The following GALNTL6 variants were observed in gnomAD, a reference collection of about 807,000 sequenced individuals.
GALNTL6 encodes polypeptide N-acetylgalactosaminyltransferase-like 6.
Under a neutral mutation model 73.7 loss-of-function variants are expected in GALNTL6, and 46 were observed. The observed-to-expected ratio is 0.62, with a 90% CI of 0.49 to 0.80. The LOEUF is 0.80. GALNTL6 is among the 30% of genes least tolerant of loss of function. GALNTL6 has a pLI of 0.00. For synonymous variants in GALNTL6, 259 were observed against 263.7 expected, an observed-to-expected ratio of 0.98 and a Z score of 0.17; for missense variants, 604 against 755.0, an observed-to-expected ratio of 0.80 and a Z score of 2.34.
chr4:172,812,219 C>T (rs1428171080), intron 6 of GALNTL6, among the ~76,000 whole-genome samples: 3 of 152,118 alleles, frequency 2.0e-5, no homozygotes, highest in Admixed American at 2.0e-4. Flanking sequence ...ACTTTTTATC[C>T]CATGCTTAAG....
chr4:172,418,289 C>T (rs1561074088), intron 5 of GALNTL6, among the ~76,000 whole-genome samples: 1 of 151,804 alleles, frequency 6.6e-6, no homozygotes, highest in Admixed American at 6.6e-5. Flanking sequence ...CATTTCTTAC[C>T]CTCTCATTGA....
intron 2 of GALNTL6, among the ~76,000 whole-genome samples, chr4:171,987,846 G>GT (rs1740152855): frequency 6.6e-6 from 1 of 152,124 alleles, no homozygotes; most frequent in Non-Finnish European, 1.5e-5. Flanking sequence ...TGGGGTGAAT[G>GT]TCAGGCGCAT....
rs192223104 is a variant in GALNTL6, at chr4:172,536,648, G to T, written c.553+187959G>T. 5.9e-5 allele frequency among the ~76,000 whole-genome samples: 9 copies of T among 152,262 alleles called. No individual in the cohort carries two copies. The East Asian group carries it at 1.5e-3, about 26-fold the overall frequency. On this transcript the variant is annotated intron_variant, in intron 5 of 12. Transcript: ENST00000506823. ...TTTCTAAGCAGCAAAGCATTCAAGAGGTAACTTGGGTGCTTTTAAAAGCAT... is the reference window on the plus strand; with the variant it reads ...TTTCTAAGCAGCAAAGCATTCAAGATGTAACTTGGGTGCTTTTAAAAGCAT...
At position 172,911,492 on chromosome 4, in the gene GALNTL6, G is replaced by A. The variant is rs1747200459; in HGVS notation, c.1042-19669G>A. ...GAAGCCTTTCTGTGGCACATCACAT[G>A]CCCCCAGATACACAAGAAAATATCT... On this transcript the variant is annotated intron_variant, in intron 8 of 12. Coordinates refer to ENST00000506823, the MANE Select transcript of GALNTL6 (RefSeq NM_001034845.3). Among the ~76,000 whole-genome samples, 3 of 152,220 alleles carry A rather than the reference G, an allele frequency of 2.0e-5. No individual in the cohort carries two copies. In the South Asian group the frequency reaches 6.2e-4, roughly 32 times the overall value.
At chr4:172,136,566 A>G (rs1733642609) in intron 2 of GALNTL6, among the ~76,000 whole-genome samples, 1 of 152,020 alleles carries the variant, frequency 6.6e-6, no homozygotes, top group Admixed American at 6.6e-5. Context: ...AATGTTTAAA[A>G]TGTGTTTGTT....
intron 5 of GALNTL6, among the ~76,000 whole-genome samples, chr4:172,384,672 T>C (rs1166394984): frequency 6.6e-6 from 1 of 152,142 alleles, no homozygotes; most frequent in Non-Finnish European, 1.5e-5. Flanking sequence ...CTAATTTCTT[T>C]AGATGGAAGG....
intron 5 of GALNTL6, among the ~76,000 whole-genome samples, chr4:172,372,023 C>T (rs1242123545): frequency 2.0e-5 from 3 of 152,158 alleles, no homozygotes; most frequent in Non-Finnish European, 4.4e-5. Flanking sequence ...TTTCCCAGTT[C>T]TAAGGCTCAG....
Position 172,095,667 on chromosome 4 carries a change from T to C in GALNTL6, c.139-133989T>C, listed in dbSNP as rs1014807834. On this transcript the variant is annotated intron_variant, in intron 2 of 12. Coordinates refer to ENST00000506823, the MANE Select transcript of GALNTL6 (RefSeq NM_001034845.3). ...CAACATCATAAAGCAGAGCATAGAA[T>C]AATGGCTTTTGAAACAAGAAACTTA... Among the ~76,000 whole-genome samples the C allele has an allele frequency of 4.9e-4, 74 of 151,858 alleles. 2 individuals are homozygous for C. Among genetic ancestry groups the C allele is most frequent in the South Asian group, 2.1e-4 (1 of 4,826 alleles).
chr4:172,533,077 T>G (rs905554803), intron 5 of GALNTL6, among the ~76,000 whole-genome samples: 3 of 151,056 alleles, frequency 2.0e-5, no homozygotes, highest in African/African-American at 7.3e-5. Flanking sequence ...AGTGGTATGA[T>G]CTCGGCTTAC....
chr4:172,760,299 T>C (rs1379858821), intron 5 of GALNTL6, among the ~76,000 whole-genome samples: 3 of 152,184 alleles, frequency 2.0e-5, no homozygotes, highest in Non-Finnish European at 2.9e-5. Context: ...ATCACCCTGT[T>C]ATGTACAGGA....
rs114806114 is a variant in GALNTL6, at chr4:172,232,943, C to T, written c.247+3179C>T. ...TATTTAGTGACAAGCACGTATCCTACATTTTGTAGATTATTTTAAAACATC... is the reference window on the plus strand; with the variant it reads ...TATTTAGTGACAAGCACGTATCCTATATTTTGTAGATTATTTTAAAACATC... On this transcript the variant is annotated intron_variant, in intron 3 of 12. Coordinates refer to ENST00000506823, the MANE Select transcript of GALNTL6 (RefSeq NM_001034845.3). Among the ~76,000 whole-genome samples, 499 of 152,168 alleles carry T rather than the reference C, an allele frequency of 3.3e-3. 3 individuals carry two copies. The highest frequency in any genetic ancestry group is 0.011 in the African/African-American group (449 of 41,514).
chr4:172,467,548 G>C (rs570651177), intron 5 of GALNTL6, among the ~76,000 whole-genome samples: 2 of 152,146 alleles, frequency 1.3e-5, no homozygotes, highest in Admixed American at 6.5e-5. Flanking sequence ...CACAGGGAGA[G>C]GGGGAAAGAG....
intron 2 of GALNTL6, among the ~76,000 whole-genome samples, chr4:172,111,518 T>C (rs1271784418): frequency 1.3e-5 from 2 of 152,120 alleles, no homozygotes; most frequent in Non-Finnish European, 2.9e-5. Flanking sequence ...TTTTTCTGTC[T>C]GATATGAGAA....
At chr4:172,979,904 T>C (rs1750994181) in intron 10 of GALNTL6, among the ~76,000 whole-genome samples, 1 of 152,232 alleles carries the variant, frequency 6.6e-6, no homozygotes, top group African/African-American at 2.4e-5. Flanking sequence ...TTTGAAGTAA[T>C]CCCTGTCCTT....
At chr4:172,133,286 A>T (rs1277396753) in intron 2 of GALNTL6, among the ~76,000 whole-genome samples, 2 of 152,122 alleles carry the variant, frequency 1.3e-5, no homozygotes, top group African/African-American at 4.8e-5. Flanking sequence ...CTATGAATAG[A>T]GAATCCATAG....
At chr4:172,316,830 A>C (rs1316453661) in intron 4 of GALNTL6, among the ~76,000 whole-genome samples, 1 of 152,250 alleles carries the variant, frequency 6.6e-6, no homozygotes, top group African/African-American at 2.4e-5. Flanking sequence ...CAAGTCACAG[A>C]CATTGCTGGA....
At chr4:172,583,297 T>C (rs922786275) in intron 5 of GALNTL6, among the ~76,000 whole-genome samples, 7 of 152,220 alleles carry the variant, frequency 4.6e-5, no homozygotes, top group African/African-American at 1.7e-4. Flanking sequence ...CTACCTCTTA[T>C]AATAAACATG....
intron 5 of GALNTL6, among the ~76,000 whole-genome samples, chr4:172,734,995 T>A (rs1244152974): frequency 1.3e-5 from 2 of 152,180 alleles, no homozygotes; most frequent in African/African-American, 4.8e-5. Flanking sequence ...GCTGCAGGGT[T>A]GTAGCCCTTA....
intron 8 of GALNTL6, among the ~76,000 whole-genome samples, chr4:172,904,475 G>C (rs1206839976): frequency 6.6e-6 from 1 of 152,164 alleles, no homozygotes; most frequent in African/African-American, 2.4e-5. Flanking sequence ...GGATGAGGCT[G>C]TCTCTTCTGG....
Sources: gnomAD v4.1 joint callset for allele counts (sites outside exome capture counted in the v4.1 genomes callset) on GRCh38, gnomAD v4.1.1 for gene constraint, MANE v1.5 for transcripts, NCBI Gene and HGNC (gene_info 2026-07-23, HGNC 2026-07-21) for gene names.